The following TTC17 variants were observed in gnomAD, a reference collection of about 807,000 sequenced individuals.
The protein encoded by TTC17 is tetratricopeptide repeat protein 17.
In TTC17, 58 loss-of-function variants were observed where a neutral mutation model predicts 143.8. The observed-to-expected ratio is 0.40, with a 90% CI of 0.33 to 0.50. The LOEUF (loss-of-function observed/expected upper bound fraction) is 0.50, where lower values mean the gene tolerates loss of function less well. Among genes scored for constraint, TTC17 ranks in the 20% least tolerant of loss-of-function variants. The pLI, the probability that TTC17 is intolerant of heterozygous loss-of-function variation, is 0.49. For missense variants in TTC17, 1,273 were observed against 1,392.5 expected, an observed-to-expected ratio of 0.91 and a Z score of 1.37; for synonymous variants, 501 against 497.8, an observed-to-expected ratio of 1.01 and a Z score of -0.09.
At chr11:43,392,740 A>G (rs1284236906) in intron 5 of TTC17, among the ~76,000 whole-genome samples, 1 of 152,212 alleles carries the variant, frequency 6.6e-6, no homozygotes, top group East Asian at 1.9e-4. Context: ...GAACTTGATG[A>G]GTAATAAGAG....
intron 16 of TTC17, among the ~76,000 whole-genome samples, chr11:43,418,093 A>G (rs1199528019): frequency 6.6e-6 from 1 of 152,238 alleles, no homozygotes; most frequent in Admixed American, 6.5e-5. Context: ...ATACACAATC[A>G]CTATGCTAAA....
intron 1 of TTC17, among the ~76,000 whole-genome samples, chr11:43,374,911 C>T (rs1856706512): frequency 6.6e-6 from 1 of 151,972 alleles, no homozygotes; most frequent in South Asian, 2.1e-4. Context: ...ATTATATACC[C>T]AAAGAAAAAT....
At chr11:43,470,597 T>C (rs184251115) in intron 21 of TTC17, among the ~76,000 whole-genome samples, 66 of 152,338 alleles carry the variant, frequency 4.3e-4, no homozygotes, top group African/African-American at 1.5e-3. Flanking sequence ...TAACAGATAT[T>C]AGATATTTAG....
chr11:43,458,839 A>G (rs925698889), intron 21 of TTC17, among the ~76,000 whole-genome samples: 1 of 151,926 alleles, frequency 6.6e-6, no homozygotes, highest in Non-Finnish European at 1.5e-5. Context: ...CATCCACACA[A>G]CTTCTATTAC....
chr11:43,446,528 G>A, intron 18 of TTC17: 1 of 561,752 alleles, frequency 1.8e-6, no homozygotes, highest in Non-Finnish European at 2.3e-6. Context: ...ATTATTAAAT[G>A]TAAAAGAAAA....
chr11:43,375,037 T>G lies in TTC17; in HGVS notation c.160-4196T>G, dbSNP rs192311420. Among the ~76,000 whole-genome samples, 6 of 152,332 alleles carry G rather than the reference T, an allele frequency of 3.9e-5. No homozygotes were observed. The East Asian group carries it at 1.2e-3, about 29-fold the overall frequency. ...TATTATAAAGTTTTCATTGGAATGT[T>G]TGGGCAAATTGTAAGGGCTGCAGAT... On this transcript the variant is annotated intron_variant, in intron 1 of 23. Coordinates refer to ENST00000039989, the MANE Select transcript of TTC17 (RefSeq NM_018259.6).
chr11:43,396,708 G>T lies in TTC17; in HGVS notation c.664-1G>T. The T allele has an allele frequency of 6.5e-7, 1 of 1,548,840 alleles. No homozygotes were observed. The highest frequency in any genetic ancestry group is 8.8e-7 in the Non-Finnish European group (1 of 1,135,420). On this transcript the variant is annotated splice_acceptor_variant, in intron 5 of 23. Transcript: ENST00000039989. LOFTEE classifies it high-confidence loss of function. Reference sequence around the variant, plus strand: ...TGTAATTTTACTTTTTTAATCTCTAGAACACTTCCTCGTGGGTACTGTATA... The same window carrying T: ...TGTAATTTTACTTTTTTAATCTCTATAACACTTCCTCGTGGGTACTGTATA...
intron 1 of TTC17, among the ~76,000 whole-genome samples, chr11:43,367,650 T>C (rs918059551): frequency 6.6e-6 from 1 of 152,068 alleles, no homozygotes; most frequent in East Asian, 1.9e-4. Flanking sequence ...AGGAGCAGGG[T>C]GTAAGCTAAA....
intron 1 of TTC17, among the ~76,000 whole-genome samples, chr11:43,378,044 C>A (rs1339254315): frequency 2.6e-5 from 4 of 152,164 alleles, no homozygotes; most frequent in African/African-American, 9.7e-5. Context: ...GCTGGGACTA[C>A]AGTCCTGCGC....
intron 10 of TTC17, among the ~76,000 whole-genome samples, chr11:43,402,471 C>G (rs946903173): frequency 7.9e-5 from 12 of 152,024 alleles, no homozygotes; most frequent in African/African-American, 2.9e-4. Context: ...CAATCCTAAT[C>G]TATCTAGTTG....
intron 16 of TTC17, among the ~76,000 whole-genome samples, chr11:43,425,528 TTGTA>T (rs1245164206): frequency 6.6e-6 from 1 of 152,130 alleles, no homozygotes; most frequent in African/African-American, 2.4e-5. Flanking sequence ...TATTTAATCA[TTGTA>T]TGATCTCTAC....
chr11:43,430,845 G>C (rs1266179982), intron 16 of TTC17, among the ~76,000 whole-genome samples: 4 of 151,768 alleles, frequency 2.6e-5, no homozygotes, highest in African/African-American at 7.3e-5. Context: ...ATGCAGGTTT[G>C]TTACATAGGT....
Position 43,451,265 on chromosome 11 carries a change from G to A in TTC17, c.3030G>A (p.Lys1010=), listed in dbSNP as rs774630365. 24 of 1,612,926 alleles carry A rather than the reference G, an allele frequency of 1.5e-5. No homozygotes were observed. The highest frequency in any genetic ancestry group is 1.3e-4 in the South Asian group (12 of 91,020). ...IGTRIAKVLE[K]NQTSWVLSSM... The stretch of plus-strand genomic sequence containing the variant: ...CCCGAATTGCCAAAGTTTTGGAAAA[G>A]GTAAGTCACCCCACAGAAAAGCTGG... Residue 1010 remains lysine, a splice_region_variant and synonymous_variant, in exon 21 of 24, where the codon AAG becomes AAA. Coordinates refer to ENST00000039989, the MANE Select transcript of TTC17 (RefSeq NM_018259.6).
rs779066917 is a variant in TTC17, at chr11:43,439,718, G to A, written c.2252-3607G>A. On this transcript the variant is annotated intron_variant, in intron 16 of 23. Transcript: ENST00000039989. The stretch of plus-strand genomic sequence containing the variant: ...ACTCCTGACCTCAGGTGATCCTCCC[G>A]TCTCGACCTCCCAAAGTGCTGGGAT... 7.2e-5 allele frequency among the ~76,000 whole-genome samples: 11 copies of A among 152,134 alleles called. No individual in the cohort carries two copies. In the Middle Eastern group the frequency reaches 0.01, roughly 141 times the overall value.
intron 21 of TTC17, among the ~76,000 whole-genome samples, chr11:43,469,859 G>GACC (rs1948059770): frequency 6.6e-6 from 1 of 152,228 alleles, no homozygotes; most frequent in African/African-American, 2.4e-5. Context: ...AAAGATTTTA[G>GACC]ACCACTAAAA....
At chr11:43,427,477 G>A (rs1262573293) in intron 16 of TTC17, among the ~76,000 whole-genome samples, 2 of 152,142 alleles carry the variant, frequency 1.3e-5, no homozygotes, top group African/African-American at 2.4e-5. Context: ...TGATGCTATT[G>A]CGGGTAGTTA....
rs1857783874 is a variant in TTC17, at chr11:43,400,057, T to G, written c.1219+9T>G. ...AAAAGAGGCACAATTAGGTAAGTAG[T>G]GACTCCAAGTAATTGAAGACAGGTT... On this transcript the variant is annotated intron_variant, in intron 9 of 23. Coordinates refer to ENST00000039989, the MANE Select transcript of TTC17 (RefSeq NM_018259.6). 1 of 1,608,704 alleles carries G rather than the reference T, an allele frequency of 6.2e-7. No homozygotes were observed. The highest frequency in any genetic ancestry group is 1.1e-5 in the South Asian group (1 of 89,968).
At chr11:43,463,467 C>T (rs2134800022) in intron 21 of TTC17, among the ~76,000 whole-genome samples, 1 of 150,958 alleles carries the variant, frequency 6.6e-6, no homozygotes, top group Non-Finnish European at 1.5e-5. Flanking sequence ...TTTAAAAAAA[C>T]AGAAGTTGTA....
chr11:43,394,407 A>C (rs1336163475), intron 5 of TTC17, among the ~76,000 whole-genome samples: 3 of 152,190 alleles, frequency 2.0e-5, no homozygotes. Flanking sequence ...CCACAACTGG[A>C]AATAGACCTG....
Sources: allele counts gnomAD v4.1 joint callset (sites outside exome capture counted in the v4.1 genomes callset), GRCh38; gene constraint gnomAD v4.1.1; transcripts MANE v1.5; gene names NCBI Gene and HGNC (gene_info 2026-07-23, HGNC 2026-07-21).